Variants in ZFHX3 observed in about 807,000 individuals in gnomAD.
ZFHX3 encodes the protein zinc finger homeobox 3.
Under a neutral mutation model 279.1 loss-of-function variants are expected in ZFHX3, and 42 were observed. The ratio of observed to expected loss-of-function variants is 0.15; its 90% CI spans 0.12 to 0.19. The LOEUF is 0.19. Among genes scored for constraint, ZFHX3 ranks in the 10% least tolerant of loss-of-function variants. ZFHX3 has a pLI of 1.00. For missense variants in ZFHX3, 4,981 were observed against 4,754.0 expected (o/e 1.05, Z -1.40); for synonymous variants, 2,293 against 1,957.8 (o/e 1.17, Z -4.52).
At position 73,338,360 on chromosome 16, in the gene ZFHX3, G is replaced by A. The variant is rs149594901; in HGVS notation, c.-1290-20024C>T. 3.6e-4 allele frequency among the ~76,000 whole-genome samples: 55 copies of A among 152,278 alleles called. No homozygotes were observed. In the East Asian group the frequency reaches 0.01, roughly 29 times the overall value. On this transcript the variant is annotated intron_variant, in intron 3 of 17. Coordinates refer to the ZFHX3 transcript ENST00000641206. ...GTTCTCAGAGCTTCCCCAACCGGGA[G>A]GCTGGGCACATCGTAGGGCCTTGGC... is the stretch of plus-strand genomic sequence containing the variant.
intron 3 of ZFHX3, among the ~76,000 whole-genome samples, chr16:73,376,226 T>C (rs1304592833): frequency 6.6e-6 from 1 of 152,214 alleles, no homozygotes; most frequent in Non-Finnish European, 1.5e-5. Flanking sequence ...TTTTATATAT[T>C]ATAGAATGAA....
Position 72,798,221 on chromosome 16 carries a change from T to C in ZFHX3, c.4461A>G (p.Ile1487Met). 2 of 1,614,198 alleles carry C rather than the reference T, an allele frequency of 1.2e-6. No individual in the cohort carries two copies. The highest frequency in any genetic ancestry group is 1.7e-6 in the Non-Finnish European group (2 of 1,180,040). ...GDPTLAEDHT[I>M]IVEEDKEEES... Reference sequence around the variant, plus strand: ...CTTCCTCCTTGTCTTCCTCAACAATTATGGTATGGTCCTCTGCCAGAGTGG... The same window carrying C: ...CTTCCTCCTTGTCTTCCTCAACAATCATGGTATGGTCCTCTGCCAGAGTGG... The change falls in exon 9 of 10, where the codon ATA (isoleucine) becomes ATG (methionine). Residue 1487 changes from isoleucine to methionine, a missense_variant. By Grantham distance (10) the Ile-to-Met change is conservative. This residue lies in a region of ZFHX3 where 1,751 missense variants were observed against 1,770.0 expected (regional missense o/e 0.99). Transcript: ENST00000268489.
intron 2 of ZFHX3, among the ~76,000 whole-genome samples, chr16:73,560,909 G>A (rs1034801688): frequency 2.0e-5 from 3 of 152,180 alleles, no homozygotes; most frequent in Non-Finnish European, 4.4e-5. Flanking sequence ...AGAGACCTTG[G>A]AAGATTTAGC....
chr16:73,243,567 G>C (rs1015377590), intron 5 of ZFHX3, among the ~76,000 whole-genome samples: 3 of 152,134 alleles, frequency 2.0e-5, no homozygotes, highest in Non-Finnish European at 4.4e-5. Flanking sequence ...TATTATATTT[G>C]CATTTTATAT....
intron 3 of ZFHX3, among the ~76,000 whole-genome samples, chr16:73,448,084 C>T (rs1277862413): frequency 1.3e-5 from 2 of 152,042 alleles, no homozygotes; most frequent in African/African-American, 2.4e-5. Context: ...GACAGCCTTG[C>T]TGTGTGTTTG....
At chr16:73,234,061 A>C (rs1350721541) in intron 5 of ZFHX3, 2 of 152,368 alleles carry the variant, frequency 1.3e-5, no homozygotes, top group Non-Finnish European at 2.9e-5. Context: ...GCGTGTGTGA[A>C]GGTATCGTGG....
In ZFHX3 at chr16:73,484,274, G is replaced by C. The variant is rs560185991; in HGVS notation, c.-1546-28016C>G. 2.6e-5 allele frequency among the ~76,000 whole-genome samples: 4 copies of C among 152,256 alleles called. No homozygotes were observed. The South Asian group carries it at 8.3e-4, about 32-fold the overall frequency. On this transcript the variant is annotated intron_variant, in intron 2 of 17. Transcript: ENST00000641206. Reference sequence around the variant, plus strand: ...ACATCTCTTCCTGGAGCATAGCTGGGCTTTATCCTCCACCTCACTCCCAAA... The same window carrying C: ...ACATCTCTTCCTGGAGCATAGCTGGCCTTTATCCTCCACCTCACTCCCAAA...
intron 4 of ZFHX3, among the ~76,000 whole-genome samples, chr16:72,876,553 A>G (rs974048919): frequency 2.0e-5 from 3 of 152,026 alleles, no homozygotes; most frequent in African/African-American, 7.3e-5. Flanking sequence ...GTATATTTAT[A>G]TTACCTCCTC....
chr16:73,770,105 T>C (rs911764416), intron 1 of ZFHX3, among the ~76,000 whole-genome samples: 1 of 152,218 alleles, frequency 6.6e-6, no homozygotes, highest in African/African-American at 2.4e-5. Flanking sequence ...GCAGAAGGAA[T>C]TGAGCTTGCT....
chr16:72,950,502 G>A lies in ZFHX3; in HGVS notation c.3183C>T (p.Asn1061=). 6.2e-7 allele frequency: 1 copy of A among 1,614,206 alleles called. No individual in the cohort carries two copies. The highest frequency in any genetic ancestry group is 1.1e-5 in the South Asian group (1 of 91,084). Reference sequence around the variant, plus strand: ...ACTTCAGGCTGGCCTCGTGCCTGGAGTTGACCGTGTGCAGCCGCAGCTTCT... The same window carrying A: ...ACTTCAGGCTGGCCTCGTGCCTGGAATTGACCGTGTGCAGCCGCAGCTTCT... The part of the protein sequence containing the change: ...SLEKLRLHTV[N]SRHEASLKLY... The change falls in exon 3 of 10, where the codon AAC becomes AAT. Residue 1061 remains asparagine, a synonymous_variant. Coordinates refer to ENST00000268489, the MANE Select transcript of ZFHX3 (RefSeq NM_006885.4).
chr16:73,826,121 T>C (rs1385858725), intron 1 of ZFHX3, among the ~76,000 whole-genome samples: 106 of 111,440 alleles, frequency 9.5e-4, no homozygotes, highest in Middle Eastern at 8.8e-3. Flanking sequence ...CCTTCACATC[T>C]CTTGTAAGTT....
At chr16:73,525,329 T>A (rs1190380253) in intron 2 of ZFHX3, among the ~76,000 whole-genome samples, 1 of 152,168 alleles carries the variant, frequency 6.6e-6, no homozygotes, top group Non-Finnish European at 1.5e-5. Context: ...CAGTAACATG[T>A]AGCTTAAAAG....
At chr16:72,835,568 T>C (rs1446117973) in intron 4 of ZFHX3, among the ~76,000 whole-genome samples, 2 of 152,142 alleles carry the variant, frequency 1.3e-5, no homozygotes, top group Non-Finnish European at 2.9e-5. Context: ...AGCTTTTCCT[T>C]TCTCCATTTT....
intron 3 of ZFHX3, among the ~76,000 whole-genome samples, chr16:73,339,433 A>G (rs2015986409): frequency 6.6e-6 from 1 of 152,244 alleles, no homozygotes; most frequent in Non-Finnish European, 1.5e-5. Context: ...CTCAACAGGT[A>G]TTTGTTAAAT....
At chr16:73,351,928 T>C (rs2016249505) in intron 3 of ZFHX3, among the ~76,000 whole-genome samples, 1 of 152,196 alleles carries the variant, frequency 6.6e-6, no homozygotes, top group South Asian at 2.1e-4. Context: ...AGTATCTAAA[T>C]GTCAATGGGT....
intron 4 of ZFHX3, among the ~76,000 whole-genome samples, chr16:72,875,755 T>C (rs1208357370): frequency 6.6e-6 from 1 of 152,228 alleles, no homozygotes; most frequent in Non-Finnish European, 1.5e-5. Flanking sequence ...GTCTAAAATG[T>C]GCAAGTCAAA....
At chr16:73,657,975 A>G (rs747769107) in intron 2 of ZFHX3, among the ~76,000 whole-genome samples, 2 of 152,252 alleles carry the variant, frequency 1.3e-5, no homozygotes, top group Non-Finnish European at 2.9e-5. Flanking sequence ...AATGGAATTA[A>G]TGCTAATATT....
intron 2 of ZFHX3, among the ~76,000 whole-genome samples, chr16:73,678,813 A>G (rs893201761): frequency 1.3e-5 from 2 of 152,164 alleles, no homozygotes; most frequent in African/African-American, 4.8e-5. Context: ...TGATTCTGCA[A>G]AATCAGTCCA....
At chr16:73,480,708 A>G (rs1322881248) in intron 2 of ZFHX3, among the ~76,000 whole-genome samples, 1 of 152,150 alleles carries the variant, frequency 6.6e-6, no homozygotes, top group Non-Finnish European at 1.5e-5. Context: ...CCAATCTTAC[A>G]GGGACCCCTA....
Sources: allele counts gnomAD v4.1 joint callset (sites outside exome capture counted in the v4.1 genomes callset), GRCh38; gene constraint gnomAD v4.1.1; regional missense constraint gnomAD v4.1.1; transcripts MANE v1.5; gene names NCBI Gene and HGNC (gene_info 2026-07-23, HGNC 2026-07-21).